The following FAIM variants were observed in gnomAD, a reference collection of about 807,000 sequenced individuals.
The protein encoded by FAIM is fas apoptotic inhibitory molecule 1.
In FAIM, 14 loss-of-function variants were observed where a neutral mutation model predicts 21.2. That is an observed-to-expected ratio of 0.66 (90% CI 0.44 to 1.03). FAIM has a LOEUF of 1.03. FAIM is among the 50% of genes least tolerant of loss of function. The probability of loss-of-function intolerance (pLI) is 0.00; values close to 1 mark genes in which losing one functional copy is unlikely to be tolerated. For missense variants in FAIM, 222 were observed against 247.1 expected (o/e 0.90, Z 0.68); for synonymous variants, 86 against 80.4 (o/e 1.07, Z -0.37).
At chr3:138,611,746 T>C (rs995442926) in intron 1 of FAIM, among the ~76,000 whole-genome samples, 45 of 152,158 alleles carry the variant, frequency 3.0e-4, no homozygotes, top group Non-Finnish European at 4.4e-5. Flanking sequence ...AAAAAGAGCT[T>C]GTACCTCCCC....
chr3:138,609,754 TG>T (rs1296771710), intron 1 of FAIM, among the ~76,000 whole-genome samples: 1 of 151,740 alleles, frequency 6.6e-6, no homozygotes, highest in Middle Eastern at 3.2e-3. Flanking sequence ...AGCGTACAAG[TG>T]GTTTTCAGTT....
intron 1 of FAIM, among the ~76,000 whole-genome samples, chr3:138,616,842 T>C (rs2042830547): frequency 6.6e-6 from 1 of 152,190 alleles, no homozygotes; most frequent in Admixed American, 6.5e-5. Flanking sequence ...TATTGATTTG[T>C]TACTTGGTTT....
chr3:138,610,939 C>T, intron 1 of FAIM: 2 of 1,609,124 alleles, frequency 1.2e-6, no homozygotes, highest in Non-Finnish European at 1.7e-6. Context: ...GACCCTTCCT[C>T]TATGGCCCAT....
chr3:138,631,217 C>T (rs1339069492), intron 5 of FAIM: 3 of 150,976 alleles, frequency 2.0e-5, no homozygotes, highest in Non-Finnish European at 1.5e-5. Flanking sequence ...AGCTCATGAC[C>T]ATCCTGGGCA....
chr3:138,617,049 TGTTCA>T (rs1245467718), intron 1 of FAIM, among the ~76,000 whole-genome samples: 2 of 152,156 alleles, frequency 1.3e-5, no homozygotes, highest in Non-Finnish European at 2.9e-5. Context: ...CCTGAATGAT[TGTTCA>T]TAGTTTAGAG....
At chr3:138,629,435 A>G in intron 5 of FAIM, 2 of 176,846 alleles carry the variant, frequency 1.1e-5, no homozygotes, top group Non-Finnish European at 2.0e-5. Flanking sequence ...AAAATACCTA[A>G]AAAGAGCCCC....
intron 3 of FAIM, 44 bp from the exon 4 acceptor site, chr3:138,622,144 A>T: frequency 1.4e-6 from 2 of 1,453,300 alleles, no homozygotes; most frequent in Non-Finnish European, 1.9e-6. Context: ...TTAGATATCA[A>T]TTTTTCTTCC....
chr3:138,616,709 AT>A (rs949986588), intron 1 of FAIM, among the ~76,000 whole-genome samples: 8 of 152,166 alleles, frequency 5.3e-5, no homozygotes, highest in African/African-American at 1.9e-4. Context: ...TTATAAAAAG[AT>A]TTTTTTAGTG....
intron 1 of FAIM, among the ~76,000 whole-genome samples, chr3:138,618,324 G>A (rs544410381): frequency 9.9e-5 from 15 of 152,096 alleles, no homozygotes; most frequent in African/African-American, 2.7e-4. Context: ...AAAATCCTTG[G>A]CTTTTCTGGC....
intron 1 of FAIM, among the ~76,000 whole-genome samples, chr3:138,614,291 T>G (rs530418835): frequency 3.3e-5 from 5 of 152,130 alleles, no homozygotes; most frequent in African/African-American, 1.2e-4. Flanking sequence ...AATTACAAAA[T>G]TAGCTGGGTG....
rs2042895686 is a variant in FAIM at position 138,622,246 on chromosome 3, G to C, written c.236G>C (p.Gly79Ala). The change falls in exon 4 of 6, where the codon GGA (glycine) becomes GCA (alanine). Residue 79 changes from glycine (G) to alanine (A), a missense_variant. Transcript: ENST00000360570. ...GTGGGCAAAGAAACATTCTATGTTG[G>C]AGCTGCAAAGACAAAAGCGACCATA... The part of the protein sequence containing the change: ...KLVGKETFYV[G>A]AAKTKATINI... 6.2e-7 allele frequency: 1 copy of C among 1,613,852 alleles called. No individual in the cohort carries two copies. Among genetic ancestry groups the C allele is most frequent in the Non-Finnish European group, 8.5e-7 (1 of 1,179,970 alleles).
intron 4 of FAIM, among the ~76,000 whole-genome samples, chr3:138,622,660 C>G (rs2042900471): frequency 6.6e-6 from 1 of 151,934 alleles, no homozygotes; most frequent in Non-Finnish European, 1.5e-5. Flanking sequence ...ATGAAGCATT[C>G]ATTTAATCCA....
intron 5 of FAIM, among the ~76,000 whole-genome samples, chr3:138,631,620 T>C (rs1409677451): frequency 6.6e-6 from 1 of 152,152 alleles, no homozygotes; most frequent in Non-Finnish European, 1.5e-5. Flanking sequence ...CCCAGTACTG[T>C]ACGTACCCAC....
chr3:138,610,368 C>A (rs964475609), intron 1 of FAIM, among the ~76,000 whole-genome samples: 2 of 152,066 alleles, frequency 1.3e-5, no homozygotes, highest in African/African-American at 4.8e-5. Context: ...TCTTTAAAGA[C>A]ATGTAAAAAG....
chr3:138,627,651 T>A (rs2042952851), intron 4 of FAIM, among the ~76,000 whole-genome samples: 1 of 152,200 alleles, frequency 6.6e-6, no homozygotes, highest in Non-Finnish European at 1.5e-5. Flanking sequence ...TCGTGGTTTA[T>A]CATAGCACTG....
intron 1 of FAIM, among the ~76,000 whole-genome samples, chr3:138,615,826 T>C (rs1421841697): frequency 7.2e-5 from 11 of 152,132 alleles, no homozygotes; most frequent in Admixed American, 6.6e-4. Flanking sequence ...AATTTTAAAG[T>C]GGTGAAATTG....
At position 138,629,155 on chromosome 3, in the gene FAIM, C is replaced by T. The variant is rs141740200; in HGVS notation, c.455C>T (p.Ala152Val). 1.7e-4 allele frequency: 276 copies of T among 1,608,882 alleles called. No homozygotes were observed. The highest frequency in any genetic ancestry group is 1.1e-3 in the African/African-American group (80 of 73,592). The change falls in exon 5 of 6, where the codon GCG (alanine) becomes GTG (valine). Residue 152 changes from alanine to valine, a missense_variant and splice_region_variant. By Grantham distance (64) the Ala-to-Val change is moderately conservative (BLOSUM62 0). Coordinates refer to ENST00000360570, the MANE Select transcript of FAIM (RefSeq NM_001033031.2). Reference sequence around the variant, plus strand: ...TGCAATGGTAAAAAATTGGAGACAGCGGTAAGTTGACTATTTGATGACTCT... The same window carrying T: ...TGCAATGGTAAAAAATTGGAGACAGTGGTAAGTTGACTATTTGATGACTCT... Reference protein sequence around the residue: ...VWCNGKKLETAGEFVDDGTET... With the variant: ...VWCNGKKLETVGEFVDDGTET...
At chr3:138,614,999 A>G (rs979824327) in intron 1 of FAIM, among the ~76,000 whole-genome samples, 1 of 152,250 alleles carries the variant, frequency 6.6e-6, no homozygotes, top group Non-Finnish European at 1.5e-5. Flanking sequence ...TTATATCCCA[A>G]TAAACCCATT....
Position 138,629,233 on chromosome 3 carries a change from A to G in FAIM, c.456+77A>G, listed in dbSNP as rs2042976291. The G allele has an allele frequency of 2.4e-5, 29 of 1,215,596 alleles. No individual in the cohort carries two copies. In the South Asian group the frequency reaches 3.6e-4, roughly 15 times the overall value. The allele number at this position is 1,215,596 out of a possible 1,614,324, so 75.3% of individuals were successfully genotyped here. A position where few individuals can be genotyped will look rare whatever the true frequency, so the allele number is the denominator to read the frequency against. ...AATTGTTGCTGCATTTCCTAATTATAGAGATCTTATAATGAATCAAGGCCC... is the reference window on the plus strand; with the variant it reads ...AATTGTTGCTGCATTTCCTAATTATGGAGATCTTATAATGAATCAAGGCCC... On this transcript the variant is annotated intron_variant, in intron 5 of 5. Transcript: ENST00000360570.
Sources: gnomAD v4.1 joint callset for allele counts (sites outside exome capture counted in the v4.1 genomes callset) on GRCh38, gnomAD v4.1.1 for gene constraint, MANE v1.5 for transcripts, NCBI Gene and HGNC (gene_info 2026-07-23, HGNC 2026-07-21) for gene names.